TRDN: variants seen among roughly 807,000 people sequenced by gnomAD.
TRDN encodes triadin in skeletal muscle.
A neutral mutation model predicts 149.7 loss-of-function variants in TRDN; 161 were observed. That is an observed-to-expected ratio of 1.08 (90% CI 0.95 to 1.23). The LOEUF (loss-of-function observed/expected upper bound fraction) is 1.23, where lower values mean the gene tolerates loss of function less well. Ranked by LOEUF, TRDN falls within the 50% of genes most tolerant of loss-of-function variation. The pLI is 0.00. For missense variants in TRDN, 896 were observed against 823.5 expected, an observed-to-expected ratio of 1.09 and a Z score of -1.08; for synonymous variants, 294 against 250.5, an observed-to-expected ratio of 1.17 and a Z score of -1.64.
intron 19 of TRDN, among the ~76,000 whole-genome samples, chr6:123,373,756 T>C (rs1453913406): frequency 6.6e-6 from 1 of 152,182 alleles, no homozygotes; most frequent in Non-Finnish European, 1.5e-5. Context: ...ATTATCTATC[T>C]CTATCATTCT....
At position 123,581,825 on chromosome 6, in the gene TRDN, A is replaced by G. The variant is rs967767304; in HGVS notation, c.23-10693T>C. 7.9e-5 allele frequency among the ~76,000 whole-genome samples: 12 copies of G among 152,338 alleles called. No individual in the cohort carries two copies. The East Asian group carries it at 1.9e-3, about 24-fold the overall frequency. On this transcript the variant is annotated intron_variant, in intron 1 of 40. Transcript: ENST00000334268. ...GTAAATAATGCCAATCATCAAACAG[A>G]GAAAACTTTTTGTAAGGAGACAATT...
chr6:123,450,484 G>A (rs766510701), intron 10 of TRDN, among the ~76,000 whole-genome samples: 3 of 152,058 alleles, frequency 2.0e-5, no homozygotes, highest in Non-Finnish European at 2.9e-5. Flanking sequence ...TAAACCAACA[G>A]CAGTAAAAAG....
intron 1 of TRDN, chr6:123,583,789 A>C (rs1018014113): frequency 5.1e-5 from 8 of 156,812 alleles, no homozygotes; most frequent in African/African-American, 1.9e-4. Flanking sequence ...GACTCCGGGC[A>C]TGTTGAGTAA....
chr6:123,614,310 AAAAAC>A (rs1283667969), intron 1 of TRDN, among the ~76,000 whole-genome samples: 3 of 147,164 alleles, frequency 2.0e-5, no homozygotes, highest in African/African-American at 7.8e-5. Flanking sequence ...CAAAAAAAAA[AAAAAC>A]AAAAAAAACC....
chr6:123,253,631 G>T (rs1435282608), intron 37 of TRDN, among the ~76,000 whole-genome samples: 2 of 152,124 alleles, frequency 1.3e-5, no homozygotes, highest in African/African-American at 4.8e-5. Context: ...ATGAAGGAAT[G>T]AATAAGAATA....
intron 24 of TRDN, among the ~76,000 whole-genome samples, chr6:123,312,475 T>G (rs1023003145): frequency 6.6e-6 from 1 of 151,986 alleles, no homozygotes; most frequent in East Asian, 1.9e-4. Flanking sequence ...TCTAGTTCAC[T>G]TTGTTGTAGG....
intron 1 of TRDN, 150 bp downstream of exon 1, chr6:123,636,604 T>G: frequency 1.1e-6 from 1 of 886,586 alleles, no homozygotes; most frequent in Non-Finnish European, 1.7e-6. Context: ...TCTCAGCTCC[T>G]AAATCCACTT....
chr6:123,253,974 C>G (rs1031648271), intron 37 of TRDN, among the ~76,000 whole-genome samples: 5 of 152,064 alleles, frequency 3.3e-5, no homozygotes, highest in Non-Finnish European at 5.9e-5. Context: ...TGAAAACATA[C>G]AAACTTGGAG....
chr6:123,323,351 T>G (rs1037820787), intron 23 of TRDN, among the ~76,000 whole-genome samples: 1 of 152,118 alleles, frequency 6.6e-6, no homozygotes, highest in Non-Finnish European at 1.5e-5. Context: ...AGCCTCAAAC[T>G]ACTGACATCA....
chr6:123,325,548 A>G (rs1469650867), intron 23 of TRDN, among the ~76,000 whole-genome samples: 1 of 152,110 alleles, frequency 6.6e-6, no homozygotes, highest in African/African-American at 2.4e-5. Flanking sequence ...TAGAGTAGTG[A>G]ATAAAATATA....
intron 38 of TRDN, among the ~76,000 whole-genome samples, chr6:123,242,292 AT>A (rs1162693690): frequency 3.9e-5 from 6 of 152,140 alleles, no homozygotes; most frequent in African/African-American, 1.4e-4. Flanking sequence ...TAAAATGTTA[AT>A]ATCAGGAATA....
intron 1 of TRDN, among the ~76,000 whole-genome samples, chr6:123,615,323 G>A (rs188965283): frequency 6.6e-6 from 1 of 152,202 alleles, no homozygotes; most frequent in African/African-American, 2.4e-5. Context: ...ATTGAAATCA[G>A]TATGTTGAAG....
At chr6:123,420,391 T>TA (rs5879679) in intron 12 of TRDN, among the ~76,000 whole-genome samples, 18 of 151,260 alleles carry the variant, frequency 1.2e-4, no homozygotes, top group Non-Finnish European at 2.2e-4. Flanking sequence ...AGGATTTTTT[T>TA]AAAAAAAAAA....
At chr6:123,468,231 T>C (rs1267085038) in intron 9 of TRDN, among the ~76,000 whole-genome samples, 2 of 152,206 alleles carry the variant, frequency 1.3e-5, no homozygotes, top group African/African-American at 4.8e-5. Context: ...TATATTCTTT[T>C]GGAATTCCTG....
At chr6:123,546,896 C>T (rs1173161434) in intron 4 of TRDN, among the ~76,000 whole-genome samples, 1 of 152,042 alleles carries the variant, frequency 6.6e-6, no homozygotes, top group African/African-American at 2.4e-5. Context: ...ATGTCCCTCA[C>T]CGTCTTGTTG....
chr6:123,244,081 C>A (rs1460025757), intron 38 of TRDN, among the ~76,000 whole-genome samples: 1 of 152,110 alleles, frequency 6.6e-6, no homozygotes, highest in African/African-American at 2.4e-5. Flanking sequence ...GCAAAAACCC[C>A]ATCCAAAGGT....
At chr6:123,431,914 A>T (rs1774354412) in intron 12 of TRDN, among the ~76,000 whole-genome samples, 1 of 152,128 alleles carries the variant, frequency 6.6e-6, no homozygotes, top group South Asian at 2.1e-4. Flanking sequence ...TCTGTAAAGG[A>T]CTCTTTGCAA....
chr6:123,254,877 A>T (rs1383404522), intron 37 of TRDN: 2 of 466,394 alleles, frequency 4.3e-6, no homozygotes, highest in Non-Finnish European at 8.0e-6. Context: ...TGTTGCTAAT[A>T]GTTCTGATTT....
intron 24 of TRDN, among the ~76,000 whole-genome samples, chr6:123,284,817 T>G (rs1254380622): frequency 1.3e-5 from 2 of 152,080 alleles, no homozygotes; most frequent in African/African-American, 4.8e-5. Flanking sequence ...CAGCAAAGTT[T>G]GAGGATACAA....
Sources: allele counts gnomAD v4.1 joint callset (sites outside exome capture counted in the v4.1 genomes callset), GRCh38; gene constraint gnomAD v4.1.1; transcripts MANE v1.5; gene names NCBI Gene and HGNC (gene_info 2026-07-23, HGNC 2026-07-21).